Variants in CFH observed in about 807,000 individuals in gnomAD.
CFH encodes H factor 1 (complement).
In CFH, 53 loss-of-function variants were observed where a neutral mutation model predicts 147.3. That is an observed-to-expected ratio of 0.36 (90% confidence interval 0.29 to 0.45). The LOEUF is 0.45. CFH is among the 20% of genes least tolerant of loss of function. CFH has a pLI of 1.00. For missense variants in CFH, 1,380 were observed against 1,498.0 expected (o/e 0.92, Z 1.30); for synonymous variants, 536 against 489.4 (o/e 1.10, Z -1.26).
chr1:196,688,642 A>G (rs1667908684), intron 7 of CFH, among the ~76,000 whole-genome samples: 1 of 152,096 alleles, frequency 6.6e-6, no homozygotes, highest in African/African-American at 2.4e-5. Context: ...ATGGAGTCTC[A>G]CTCTGTAACC....
At chr1:196,718,134 C>A (rs1326037278) in intron 11 of CFH, among the ~76,000 whole-genome samples, 1 of 152,098 alleles carries the variant, frequency 6.6e-6, no homozygotes, top group East Asian at 1.9e-4. Flanking sequence ...CTGTTGTAAA[C>A]ACCTATCATA....
chr1:196,729,939 T>C (rs1279646963), intron 15 of CFH, among the ~76,000 whole-genome samples: 3 of 151,974 alleles, frequency 2.0e-5, no homozygotes, highest in South Asian at 2.1e-4. Context: ...ATATCACCCT[T>C]TTCATCTCCG....
At chr1:196,690,409 T>C (rs1273721424) in intron 9 of CFH, 170 bp downstream of exon 9, 1 of 882,626 alleles carries the variant, frequency 1.1e-6, no homozygotes, top group Non-Finnish European at 1.9e-6. Flanking sequence ...AATATACAAA[T>C]TTCTTGATAA....
intron 1 of CFH, among the ~76,000 whole-genome samples, chr1:196,654,761 T>C (rs1666627995): frequency 6.6e-6 from 1 of 152,160 alleles, no homozygotes; most frequent in Non-Finnish European, 1.5e-5. Flanking sequence ...CCTGGAGATT[T>C]AGAGTGCAGA....
Position 196,680,644 on chromosome 1 carries a change from AG to A in CFH, c.790+853del, listed in dbSNP as rs1667617166. ...GAGGTCTGCTGCAATTAGTGAAACA[AG>A]GAACAGTGTTACCACATATGGTCCA... On this transcript the variant is annotated intron_variant, in intron 6 of 21. Transcript: ENST00000367429. Among the ~76,000 whole-genome samples the A allele has an allele frequency of 2.0e-5, 3 of 151,996 alleles. No homozygotes were observed. In the South Asian group the frequency reaches 6.2e-4, roughly 32 times the overall value.
At chr1:196,685,022 A>C (rs373498827) in intron 6 of CFH, 42 bp from the exon 7 acceptor site, 182 of 1,418,942 alleles carry the variant, frequency 1.3e-4, no homozygotes, top group Non-Finnish European at 1.7e-4. Flanking sequence ...ATTTTAACGG[A>C]TACTTATTTC....
At chr1:196,725,410 A>C in intron 12 of CFH, 113 bp downstream of exon 12, 1 of 1,011,162 alleles carries the variant, frequency 9.9e-7, no homozygotes, top group Non-Finnish European at 1.5e-6. Flanking sequence ...AATTAAGTCA[A>C]ATATTTGCCT....
intron 11 of CFH, among the ~76,000 whole-genome samples, chr1:196,722,000 A>G (rs1573061671): frequency 6.6e-6 from 1 of 151,984 alleles, no homozygotes; most frequent in Non-Finnish European, 1.5e-5. Flanking sequence ...AATTTGGTCC[A>G]CAAATCTATA....
chr1:196,745,838 C>T lies in CFH; in HGVS notation c.3332C>T (p.Pro1111Leu), dbSNP rs1422149838. The T allele has an allele frequency of 1.6e-5, 26 of 1,613,828 alleles. No homozygotes were observed. Among genetic ancestry groups the T allele is most frequent in the Non-Finnish European group, 2.1e-5 (25 of 1,179,972 alleles). ...QCKDSTGKCGPPPPIDNGDIT... is the reference protein window; with the variant it reads ...QCKDSTGKCGLPPPIDNGDIT... ...TTAGATTCTACAGGAAAATGTGGGC[C>T]CCCTCCACCTATTGACAATGGGGAC... The change falls in exon 21 of 22, where the codon CCC (proline) becomes CTC (leucine). Residue 1111 changes from proline to leucine, a missense_variant. Physicochemically the swap from Pro to Leu is moderately conservative, Grantham distance 98. Transcript: ENST00000367429.
chr1:196,739,572 C>A (rs1182013609), intron 17 of CFH, among the ~76,000 whole-genome samples: 1 of 152,162 alleles, frequency 6.6e-6, no homozygotes, highest in Non-Finnish European at 1.5e-5. Context: ...CCACCCCATC[C>A]TGGACTTCAT....
chr1:196,652,670 C>A (rs1337620059), intron 1 of CFH, among the ~76,000 whole-genome samples: 1 of 151,568 alleles, frequency 6.6e-6, no homozygotes, highest in Non-Finnish European at 1.5e-5. Context: ...TTCTTGTAGA[C>A]AAGTATTACT....
At chr1:196,727,891 A>G (rs1669185826) in intron 14 of CFH, among the ~76,000 whole-genome samples, 1 of 152,172 alleles carries the variant, frequency 6.6e-6, no homozygotes, top group Non-Finnish European at 1.5e-5. Flanking sequence ...GCAAGAAGGC[A>G]AGGTGATTCA....
intron 1 of CFH, among the ~76,000 whole-genome samples, chr1:196,667,383 A>G (rs967648766): frequency 3.9e-5 from 6 of 152,182 alleles, no homozygotes; most frequent in African/African-American, 1.4e-4. Flanking sequence ...CATTGTTCAG[A>G]CACATTTGCA....
chr1:196,681,379 C>A (rs189159561), intron 6 of CFH, among the ~76,000 whole-genome samples: 141 of 151,450 alleles, frequency 9.3e-4, no homozygotes, highest in African/African-American at 3.3e-3. Context: ...TCTTCCTTAG[C>A]ACATATTTGT....
At chr1:196,713,708 T>G (rs377203773) in intron 9 of CFH, 27 bp from the exon 10 acceptor site, 39 of 1,401,736 alleles carry the variant, frequency 2.8e-5, no homozygotes, top group Non-Finnish European at 3.9e-5. Context: ...CATATGCTTG[T>G]CTTTTTCTTA....
At chr1:196,682,935 T>C (rs35756883) in intron 6 of CFH, among the ~76,000 whole-genome samples, 22 of 151,496 alleles carry the variant, frequency 1.5e-4, no homozygotes, top group Non-Finnish European at 3.3e-4. Context: ...GGAAGTATGG[T>C]ATTGAGAAGA....
intron 15 of CFH, among the ~76,000 whole-genome samples, chr1:196,729,378 T>G (rs564992641): frequency 1.7e-4 from 26 of 152,220 alleles, no homozygotes; most frequent in Middle Eastern, 3.4e-3. Context: ...TTTCTGTTAA[T>G]GGGATGCATC....
intron 10 of CFH, among the ~76,000 whole-genome samples, chr1:196,715,228 T>G (rs35216365): frequency 1.6e-3 from 249 of 152,166 alleles, no homozygotes; most frequent in African/African-American, 5.8e-3. Flanking sequence ...AACTACGAAT[T>G]AGTTTGGACT....
intron 11 of CFH, among the ~76,000 whole-genome samples, chr1:196,720,428 C>G (rs899046503): frequency 5.3e-5 from 8 of 151,912 alleles, no homozygotes; most frequent in Non-Finnish European, 1.0e-4. Context: ...ATTCCTCACC[C>G]TCCTGCTATC....
Sources: gnomAD v4.1 joint callset for allele counts (sites outside exome capture counted in the v4.1 genomes callset) on GRCh38, gnomAD v4.1.1 for gene constraint, MANE v1.5 for transcripts, NCBI Gene and HGNC (gene_info 2026-07-23, HGNC 2026-07-21) for gene names.